The following VEPH1 variants were observed in gnomAD, a reference collection of about 807,000 sequenced individuals.
VEPH1 encodes ventricular zone-expressed PH domain-containing protein homolog 1.
VEPH1 carries 80 observed loss-of-function variants against 85.2 expected under a neutral mutation model. That is an observed-to-expected ratio of 0.94 (90% CI 0.78 to 1.13). The LOEUF (loss-of-function observed/expected upper bound fraction) is 1.13. Among genes scored for constraint, VEPH1 ranks in the 50% most tolerant of loss-of-function variants. The pLI is 0.00. For synonymous variants in VEPH1, 297 were observed against 348.0 expected (o/e 0.85, Z 1.63); for missense variants, 955 against 980.5 (o/e 0.97, Z 0.35).
At position 157,261,911 on chromosome 3, in the gene VEPH1, T is replaced by C. The variant is rs546208845; in HGVS notation, c.2266-541A>G. The stretch of plus-strand genomic sequence containing the variant: ...TATTTAATGATGTTACATTTGCCTT[T>C]TATTAAAGCAAAAATTTAAGGACCT... On this transcript the variant is annotated intron_variant, in intron 13 of 13. Coordinates refer to ENST00000362010, the MANE Select transcript of VEPH1 (RefSeq NM_001167912.2). 2.7e-4 allele frequency among the ~76,000 whole-genome samples: 41 copies of C among 152,302 alleles called. No individual in the cohort carries two copies. In the South Asian group the frequency reaches 2.7e-3, roughly 10 times the overall value.
At chr3:157,404,234 AG>A (rs971367258) in intron 6 of VEPH1, among the ~76,000 whole-genome samples, 8 of 152,114 alleles carry the variant, frequency 5.3e-5, no homozygotes, top group African/African-American at 1.9e-4. Context: ...TAATTACTTG[AG>A]GGGGGGTTAT....
At chr3:157,346,791 T>A (rs1196798756) in intron 9 of VEPH1, among the ~76,000 whole-genome samples, 2 of 151,912 alleles carry the variant, frequency 1.3e-5, no homozygotes, top group Non-Finnish European at 2.9e-5. Context: ...AAAAATTTAT[T>A]TTTGGTAGAG....
intron 1 of VEPH1, chr3:157,499,431 T>C (rs977880833): frequency 2.0e-5 from 3 of 152,158 alleles, no homozygotes; most frequent in African/African-American, 7.2e-5. Flanking sequence ...TTGCAGTTAC[T>C]CAGCTGCATG....
At chr3:157,458,742 C>T (rs2109351032) in intron 4 of VEPH1, among the ~76,000 whole-genome samples, 1 of 152,220 alleles carries the variant, frequency 6.6e-6, no homozygotes, top group South Asian at 2.1e-4. Flanking sequence ...TCCTTGAGGA[C>T]TTTTATAGTT....
intron 2 of VEPH1, among the ~76,000 whole-genome samples, chr3:157,483,963 C>A (rs941641369): frequency 1.3e-5 from 2 of 152,008 alleles, no homozygotes; most frequent in African/African-American, 4.8e-5. Context: ...TGAAAAAAGA[C>A]ATAAAACCCT....
chr3:157,419,106 G>T (rs1732138200), intron 5 of VEPH1, among the ~76,000 whole-genome samples: 1 of 152,186 alleles, frequency 6.6e-6, no homozygotes, highest in African/African-American at 2.4e-5. Flanking sequence ...AATAAATAGT[G>T]CTGGGAGAAG....
chr3:157,418,475 C>T (rs556120167), intron 5 of VEPH1, among the ~76,000 whole-genome samples: 56 of 152,132 alleles, frequency 3.7e-4, no homozygotes, highest in Admixed American at 9.8e-4. Flanking sequence ...AGTTTTCAAG[C>T]AATTAAAGTC....
rs114019926 is a variant in VEPH1, at chr3:157,348,328, C to T, written c.1735+15036G>A. ...ATTTGTAGATATTGAGGGACCTCCA[C>T]ACTGTTCTCTTTAGTGGTTATACTA... On this transcript the variant is annotated intron_variant, in intron 9 of 13. Coordinates refer to ENST00000362010, the MANE Select transcript of VEPH1 (RefSeq NM_001167912.2). Among the ~76,000 whole-genome samples, 1,060 of 152,286 alleles carry T rather than the reference C, an allele frequency of 7.0e-3. 19 individuals are homozygous for T. Among genetic ancestry groups the T allele is most frequent in the African/African-American group, 0.024 (993 of 41,560 alleles).
chr3:157,494,181 T>C (rs1739461108), intron 2 of VEPH1, among the ~76,000 whole-genome samples: 1 of 152,186 alleles, frequency 6.6e-6, no homozygotes, highest in Admixed American at 6.5e-5. Context: ...AAAATAGGCT[T>C]GAAGAGGAGG....
Position 157,451,729 on chromosome 3 carries a change from G to A in VEPH1, c.529+8452C>T, listed in dbSNP as rs530018567. Among the ~76,000 whole-genome samples, 80 of 152,288 alleles carry A rather than the reference G, an allele frequency of 5.3e-4. 1 individual carries two copies. Among genetic ancestry groups the A allele is most frequent in the Non-Finnish European group, 8.8e-4 (60 of 68,028 alleles). On this transcript the variant is annotated intron_variant, in intron 4 of 13. Coordinates refer to ENST00000362010, the MANE Select transcript of VEPH1 (RefSeq NM_001167912.2). ...ACAAGTCTAAGAGGCAAACACCCCT[G>A]CCACAGCACAAGAGTCTCCTGGCCC...
rs1559911374 is a variant in VEPH1 at position 157,269,644 on chromosome 3, T to TTTG, written c.2129-3983_2129-3982insCAA. On this transcript the variant is annotated intron_variant, in intron 12 of 13. Coordinates refer to ENST00000362010, the MANE Select transcript of VEPH1 (RefSeq NM_001167912.2). Reference sequence around the variant, plus strand: ...TGTTTTTTGTTTTTGTTTTTGTTGTTTTTTTTTTTTTTTTTTGCTATTACA... The same window carrying TTTG: ...TGTTTTTTGTTTTTGTTTTTGTTGTTTTGTTTTTTTTTTTTTTTTGCTATTACA... Among the ~76,000 whole-genome samples the TTTG allele has an allele frequency of 3.4e-5, 4 of 117,254 alleles. No homozygotes were observed. In the South Asian group the frequency reaches 1.1e-3, roughly 31 times the overall value. 76.9% of individuals were successfully genotyped at this position (117,254 alleles called of 152,430 possible).
At chr3:157,299,770 G>A (rs946291136) in intron 11 of VEPH1, among the ~76,000 whole-genome samples, 1 of 152,068 alleles carries the variant, frequency 6.6e-6, no homozygotes, top group Non-Finnish European at 1.5e-5. Flanking sequence ...TGTTGTTGTT[G>A]ATGTCTTTAT....
intron 12 of VEPH1, chr3:157,284,841 A>G (rs952292780): frequency 1.7e-4 from 26 of 152,208 alleles, no homozygotes; most frequent in African/African-American, 6.0e-4. Flanking sequence ...TTTTATTGCT[A>G]TATGTTCTCA....
At chr3:157,287,729 T>A (rs1343973484) in intron 11 of VEPH1, among the ~76,000 whole-genome samples, 1 of 152,020 alleles carries the variant, frequency 6.6e-6, no homozygotes, top group East Asian at 1.9e-4. Flanking sequence ...CACACCTGGC[T>A]AATTTTTGTA....
intron 9 of VEPH1, among the ~76,000 whole-genome samples, chr3:157,335,699 A>G (rs930364653): frequency 1.3e-5 from 2 of 152,196 alleles, no homozygotes; most frequent in African/African-American, 4.8e-5. Context: ...TCTCTACAAA[A>G]AAGAAATCAG....
Position 157,381,050 on chromosome 3 carries a change from G to T in VEPH1, c.1127+106C>A, listed in dbSNP as rs549834963. 18 of 1,116,908 alleles carry T rather than the reference G, an allele frequency of 1.6e-5. 1 individual carries two copies. The East Asian group carries it at 4.3e-4, about 26-fold the overall frequency. The allele number at this position is 1,116,908 out of a possible 1,614,324, so 69.2% of individuals were successfully genotyped here. A position where few individuals can be genotyped will look rare whatever the true frequency, so the allele number is the denominator to read the frequency against. Reference sequence around the variant, plus strand: ...TTATACAGATATTATTCTCTGTTGAGATACAGGTTTTAGCTTCCTTTGGAA... The same window carrying T: ...TTATACAGATATTATTCTCTGTTGATATACAGGTTTTAGCTTCCTTTGGAA... On this transcript the variant is annotated intron_variant, in intron 7 of 13. Coordinates refer to ENST00000362010, the MANE Select transcript of VEPH1 (RefSeq NM_001167912.2).
At chr3:157,299,257 A>G (rs1174311483) in intron 11 of VEPH1, among the ~76,000 whole-genome samples, 1 of 152,142 alleles carries the variant, frequency 6.6e-6, no homozygotes, top group Non-Finnish European at 1.5e-5. Context: ...AATAAAAATC[A>G]TTCTCAAAAA....
chr3:157,374,647 G>T (rs1161177059), intron 7 of VEPH1, among the ~76,000 whole-genome samples: 1 of 152,192 alleles, frequency 6.6e-6, no homozygotes, highest in African/African-American at 2.4e-5. Flanking sequence ...AGGTGGAAAG[G>T]TTGTATGAAC....
intron 6 of VEPH1, among the ~76,000 whole-genome samples, chr3:157,393,119 G>C (rs1248358886): frequency 6.6e-6 from 1 of 152,146 alleles, no homozygotes; most frequent in Non-Finnish European, 1.5e-5. Flanking sequence ...ACCTGGATCT[G>C]GGCAGTTATC....
Sources: gnomAD v4.1 joint callset for allele counts (sites outside exome capture counted in the v4.1 genomes callset) on GRCh38, gnomAD v4.1.1 for gene constraint, MANE v1.5 for transcripts, NCBI Gene and HGNC (gene_info 2026-07-23, HGNC 2026-07-21) for gene names.